The following NKAIN2 variants were observed in gnomAD, a reference collection of about 807,000 sequenced individuals.
The protein encoded by NKAIN2 is sodium/potassium transporting ATPase interacting 2.
Under a neutral mutation model 32.6 loss-of-function variants are expected in NKAIN2, and 14 were observed. That is an observed-to-expected ratio of 0.43 (90% CI 0.28 to 0.67). NKAIN2 has a LOEUF of 0.67. Among genes scored for constraint, NKAIN2 ranks in the 30% least tolerant of loss-of-function variants. The pLI is 0.17. For synonymous variants in NKAIN2, 80 were observed against 87.2 expected (o/e 0.92, Z 0.46); for missense variants, 198 against 258.3 (o/e 0.77, Z 1.60).
intron 3 of NKAIN2, among the ~76,000 whole-genome samples, chr6:124,563,504 T>A (rs1193250320): frequency 6.6e-6 from 1 of 152,232 alleles, no homozygotes; most frequent in East Asian, 1.9e-4. Context: ...GCTCTCCTTT[T>A]GTACTTTCCA....
chr6:123,969,506 C>T (rs1025654043), intron 1 of NKAIN2, among the ~76,000 whole-genome samples: 4 of 152,178 alleles, frequency 2.6e-5, no homozygotes, highest in African/African-American at 4.8e-5. Flanking sequence ...GGGACCGTTG[C>T]ACTAGCTCAG....
At chr6:123,985,055 G>T (rs1292951995) in intron 1 of NKAIN2, among the ~76,000 whole-genome samples, 1 of 152,110 alleles carries the variant, frequency 6.6e-6, no homozygotes, top group Admixed American at 6.5e-5. Context: ...GTACAGGTGA[G>T]CAATGATGTA....
intron 1 of NKAIN2, among the ~76,000 whole-genome samples, chr6:123,846,807 ACCACCCCCCACG>A (rs1775108037): frequency 6.7e-6 from 1 of 150,046 alleles, no homozygotes; most frequent in African/African-American, 2.4e-5. Context: ...TCATTCTATT[ACCACCCCCCACG>A]CCACCGCCAC....
At chr6:123,846,826 C>A (rs1775110071) in intron 1 of NKAIN2, among the ~76,000 whole-genome samples, 1 of 121,568 alleles carries the variant, frequency 8.2e-6, no homozygotes, top group African/African-American at 2.5e-5. Flanking sequence ...CACGCCACCG[C>A]CACACACACG....
chr6:124,097,577 TCA>T (rs1467689521), intron 1 of NKAIN2, among the ~76,000 whole-genome samples: 1 of 152,194 alleles, frequency 6.6e-6, no homozygotes, highest in Non-Finnish European at 1.5e-5. Context: ...ACCTGATTTC[TCA>T]GTTATTTGTT....
At chr6:124,559,796 G>A (rs1780617081) in intron 3 of NKAIN2, among the ~76,000 whole-genome samples, 1 of 149,110 alleles carries the variant, frequency 6.7e-6, no homozygotes, top group South Asian at 2.1e-4. Flanking sequence ...CCCTCAGCTA[G>A]GCAATGATAG....
At chr6:124,348,814 T>A (rs2093175) in intron 2 of NKAIN2, among the ~76,000 whole-genome samples, 123,630 of 152,108 alleles carry the variant, frequency 0.81, 50,492 homozygotes, top group African/African-American at 0.87. Flanking sequence ...CTGGGGAAGC[T>A]CAAGGGGTCA....
intron 1 of NKAIN2, among the ~76,000 whole-genome samples, chr6:124,209,740 G>C (rs1018341519): frequency 2.6e-5 from 4 of 151,636 alleles, no homozygotes; most frequent in African/African-American, 9.7e-5. Flanking sequence ...ATACCTGTTG[G>C]ACATTTGTAT....
intron 1 of NKAIN2, among the ~76,000 whole-genome samples, chr6:123,986,412 T>C (rs1779138059): frequency 6.6e-6 from 1 of 152,204 alleles, no homozygotes; most frequent in Non-Finnish European, 1.5e-5. Flanking sequence ...TATTTTTCTT[T>C]TGCCTCAGTT....
chr6:123,896,739 C>A (rs1774297718), intron 1 of NKAIN2, among the ~76,000 whole-genome samples: 1 of 152,022 alleles, frequency 6.6e-6, no homozygotes, highest in Non-Finnish European at 1.5e-5. Flanking sequence ...TCCTGAGCTC[C>A]CTCATTTTCT....
chr6:124,257,786 T>C (rs1794019542), intron 1 of NKAIN2, among the ~76,000 whole-genome samples: 1 of 150,448 alleles, frequency 6.6e-6, no homozygotes, highest in Admixed American at 6.6e-5. Context: ...TTTTCTTTTT[T>C]TTTTTTTTTG....
chr6:124,041,126 C>A (rs1422068457), intron 1 of NKAIN2, among the ~76,000 whole-genome samples: 1 of 151,940 alleles, frequency 6.6e-6, no homozygotes, highest in African/African-American at 2.4e-5. Context: ...TATGATTGAG[C>A]CATAATTGTT....
chr6:124,297,824 T>G (rs1051853353), intron 2 of NKAIN2, among the ~76,000 whole-genome samples: 2 of 152,074 alleles, frequency 1.3e-5, no homozygotes, highest in African/African-American at 4.8e-5. Context: ...TTTAAATCAT[T>G]TCTTCTCTAA....
chr6:124,689,685 C>T (rs1774167076), intron 4 of NKAIN2, among the ~76,000 whole-genome samples: 1 of 152,036 alleles, frequency 6.6e-6, no homozygotes, highest in South Asian at 2.1e-4. Flanking sequence ...ATGTGGATGT[C>T]CAATTGTTCC....
intron 3 of NKAIN2, among the ~76,000 whole-genome samples, chr6:124,533,471 C>CTAAAAAAAAAA (rs1779602019): frequency 1.7e-5 from 1 of 58,982 alleles, no homozygotes; most frequent in Non-Finnish European, 3.0e-5. Flanking sequence ...GACTCTGTCT[C>CTAAAAAAAAAA]AAAAAAAAAA....
At chr6:124,456,639 T>C (rs1776333950) in intron 3 of NKAIN2, among the ~76,000 whole-genome samples, 1 of 151,962 alleles carries the variant, frequency 6.6e-6, no homozygotes, top group Non-Finnish European at 1.5e-5. Context: ...ATTTCTTATA[T>C]AGATTGTTTT....
At chr6:124,535,750 T>G (rs1346131543) in intron 3 of NKAIN2, among the ~76,000 whole-genome samples, 1 of 152,208 alleles carries the variant, frequency 6.6e-6, no homozygotes, top group African/African-American at 2.4e-5. Flanking sequence ...GTTCAATTTT[T>G]GCTGAGAGAT....
At chr6:124,508,335 C>CTTTTTTTTTTT (rs71702410) in intron 3 of NKAIN2, among the ~76,000 whole-genome samples, 2 of 148,906 alleles carry the variant, frequency 1.3e-5, no homozygotes, top group Non-Finnish European at 1.5e-5. Context: ...TTGTATTAGT[C>CTTTTTTTTTTT]TTTTTTTTTT....
chr6:124,288,447 A>G (rs1262996615), intron 2 of NKAIN2, among the ~76,000 whole-genome samples: 1 of 152,204 alleles, frequency 6.6e-6, no homozygotes, highest in African/African-American at 2.4e-5. Flanking sequence ...CATATCAAGG[A>G]TTATGTTTTT....
Sources: allele counts gnomAD v4.1 joint callset (sites outside exome capture counted in the v4.1 genomes callset), GRCh38; gene constraint gnomAD v4.1.1; transcripts MANE v1.5; gene names NCBI Gene and HGNC (gene_info 2026-07-23, HGNC 2026-07-21).